The following NAPSA variants were observed in gnomAD, a reference collection of about 807,000 sequenced individuals.
NAPSA encodes napsin-A.
A neutral mutation model predicts 36.7 loss-of-function variants in NAPSA; 37 were observed. That is an observed-to-expected ratio of 1.01 (90% CI 0.78 to 1.33). The LOEUF is 1.33. Ranked by LOEUF, NAPSA falls within the 40% of genes most tolerant of loss-of-function variation. NAPSA has a pLI of 0.00. For synonymous variants in NAPSA, 222 were observed against 234.5 expected (o/e 0.95, Z 0.49); for missense variants, 532 against 543.8 (o/e 0.98, Z 0.21).
Position 50,359,841 on chromosome 19 carries a change from T to A in NAPSA, c.690A>T (p.Gly230=), listed in dbSNP as rs759794042. The change falls in exon 6 of 9, where the codon GGA becomes GGT. Residue 230 remains glycine (G), a synonymous_variant. Transcript: ENST00000253719. Reference sequence around the variant, plus strand: ...CCGAGCCCCCCAGGACCAGCTCTCCTCCATCAGGCTCTTCAGGGTCCCTGC... The same window carrying A: ...CCGAGCCCCCCAGGACCAGCTCTCCACCATCAGGCTCTTCAGGGTCCCTGC... ...YLNRDPEEPD[G]GELVLGGSDP... 8.1e-6 allele frequency: 13 copies of A among 1,614,150 alleles called. No individual in the cohort carries two copies. In the South Asian group the frequency reaches 1.4e-4, roughly 18 times the overall value.
At chr19:50,362,620 T>G in intron 1 of NAPSA, 1 of 217,776 alleles carries the variant, frequency 4.6e-6, no homozygotes, top group East Asian at 1.1e-4. Context: ...ACAGAAAACC[T>G]AACCTTTGCA....
upstream of NAPSA, among the ~76,000 whole-genome samples, chr19:50,367,549 CCTCTCTCT>C (rs779681679): frequency 1.9e-3 from 247 of 133,072 alleles, 1 homozygote; most frequent in African/African-American, 5.4e-3. Flanking sequence ...TCTCTCTCTC[CCTCTCTCT>C]CTCTCTCTCT....
In NAPSA at chr19:50,358,631, C is replaced by T. The variant is rs764567404; in HGVS notation, c.1185G>A (p.Arg395=). ...GAGTGCGAGCGCGCGCCAGGCCCAC[C>T]CGGGCGCTGCTCTTCATGTCCCCGC... ...FDRGDMKSSA[R]VGLARARTRG... The change falls in exon 9 of 9, where the codon CGG becomes CGA. Residue 395 remains arginine, a synonymous_variant. Transcript: ENST00000253719. 17 of 1,612,678 alleles carry T rather than the reference C, an allele frequency of 1.1e-5. No individual in the cohort carries two copies. The highest frequency in any genetic ancestry group is 1.7e-5 in the Admixed American group (1 of 59,934).
At chr19:50,359,400 G>A (rs2037441066) in intron 7 of NAPSA, 103 bp downstream of exon 7, 31 of 1,482,884 alleles carry the variant, frequency 2.1e-5, no homozygotes, top group Non-Finnish European at 2.8e-5. Context: ...TGCTGCCCTG[G>A]AAAGCCCCTT....
rs377299154 is a variant in NAPSA, at chr19:50,359,811, C to T, written c.720G>A (p.Pro240=). ...AGGTGAGGGGTGGGATGTAGTGTGC[C>T]GGGTCCGAGCCCCCCAGGACCAGCT... ...GGELVLGGSD[P]AHYIPPLTFV... is the part of the protein sequence containing the mutation. Residue 240 remains proline, a synonymous_variant, in exon 6 of 9, where the codon CCG becomes CCA. Coordinates refer to ENST00000253719, the MANE Select transcript of NAPSA (RefSeq NM_004851.3). 96 of 1,614,060 alleles carry T rather than the reference C, an allele frequency of 5.9e-5. No individual in the cohort carries two copies. The highest frequency in any genetic ancestry group is 6.8e-5 in the Non-Finnish European group (80 of 1,180,048).
chr19:50,364,205 C>T (rs1009267062), intron 1 of NAPSA, among the ~76,000 whole-genome samples: 1 of 151,560 alleles, frequency 6.6e-6, no homozygotes, highest in East Asian at 1.9e-4. Context: ...CCTGTAATCC[C>T]AGCACTTTCA....
chr19:50,363,168 C>T (rs915110664), intron 1 of NAPSA, among the ~76,000 whole-genome samples: 3 of 152,126 alleles, frequency 2.0e-5, no homozygotes, highest in Admixed American at 6.5e-5. Flanking sequence ...ACACCTTTCC[C>T]GTCACCCCCC....
In NAPSA at chr19:50,359,576, A is replaced by G. The variant is rs924101170; in HGVS notation, c.863T>C (p.Leu288Pro). The G allele has an allele frequency of 6.8e-6, 11 of 1,614,206 alleles. No homozygotes were observed. Among genetic ancestry groups the G allele is most frequent in the Non-Finnish European group, 9.3e-6 (11 of 1,180,030 alleles). ...GATCTCCTCAGTGGGTCCTGTGATG[A>G]GGGACGTGCCCGTATCCAGGATGGC... Reference protein sequence around the residue: ...CAAILDTGTSLITGPTEEIRA... With the variant: ...CAAILDTGTSPITGPTEEIRA... The change falls in exon 7 of 9, where the codon CTC becomes CCC. Residue 288 changes from leucine to proline, a missense_variant. Coordinates refer to ENST00000253719, the MANE Select transcript of NAPSA (RefSeq NM_004851.3).
chr19:50,358,990 G>A (rs757153787), intron 8 of NAPSA, 21 bp downstream of exon 8: 2 of 1,595,970 alleles, frequency 1.3e-6, no homozygotes, highest in Non-Finnish European at 1.7e-6. Flanking sequence ...TCACTATGGC[G>A]TCATGGTGAT....
At position 50,360,770 on chromosome 19, in the gene NAPSA, C is replaced by T. The variant is rs138770477; in HGVS notation, c.668+171G>A. ...TGTTTCTTTATAGGGCAGGTGACTT[C>T]CTGCATGGAGGATGCAACTTCTTGT... On this transcript the variant is annotated intron_variant, in intron 5 of 8. Coordinates refer to ENST00000253719, the MANE Select transcript of NAPSA (RefSeq NM_004851.3). Among the ~76,000 whole-genome samples, 4 of 152,250 alleles carry T rather than the reference C, an allele frequency of 2.6e-5. No homozygotes were observed. The East Asian group carries it at 7.7e-4, about 29-fold the overall frequency.
At chr19:50,365,011 AAATAATAAT>A (rs112903812) in intron 1 of NAPSA, among the ~76,000 whole-genome samples, 3,989 of 140,560 alleles carry the variant, frequency 0.028, 186 homozygotes, top group African/African-American at 0.099. Flanking sequence ...TAATAATAAT[AAATAATAAT>A]AATAATAATA....
intron 1 of NAPSA, chr19:50,362,527 C>A: frequency 2.3e-6 from 1 of 441,802 alleles, no homozygotes. Context: ...CAAACCATCC[C>A]AAACAGACCT....
rs73932467 is a variant in NAPSA at position 50,358,983 on chromosome 19, C to T, written c.1035+28G>A. On this transcript the variant is annotated intron_variant, in intron 8 of 8. Transcript: ENST00000253719. ...CCTCTCAAACCGTCATATGACGTCA[C>T]TATGGCGTCATGGTGATGGCCACCT... 3,099 of 1,566,236 alleles carry T rather than the reference C, an allele frequency of 2.0e-3. 49 individuals carry two copies. In the African/African-American group the frequency reaches 0.032, roughly 16 times the overall value.
chr19:50,358,902 G>A (rs2037431992), intron 8 of NAPSA, 109 bp downstream of exon 8: 5 of 1,338,406 alleles, frequency 3.7e-6, no homozygotes, highest in African/African-American at 2.9e-5. Context: ...GCCATCACAG[G>A]GAAAAGAAAT....
In NAPSA at chr19:50,358,663, A is replaced by C; in HGVS notation, c.1153T>G (p.Phe385Val). 1 of 1,613,280 alleles carries C rather than the reference A, an allele frequency of 6.2e-7. No individual in the cohort carries two copies. The highest frequency in any genetic ancestry group is 8.5e-7 in the Non-Finnish European group (1 of 1,179,962). The stretch of plus-strand genomic sequence containing the variant: ...CTGCTCTTCATGTCCCCGCGGTCGA[A>C]GACGGCCACATACGTCCCCAAGAAG... The part of the protein sequence containing the change: ...DVFLGTYVAV[F>V]DRGDMKSSAR... The change falls in exon 9 of 9, where the codon TTC (phenylalanine) becomes GTC (valine). Residue 385 changes from phenylalanine to valine, a missense_variant. Phe to Val is a conservative substitution (Grantham distance 50, BLOSUM62 -1). This residue lies in a region of NAPSA where 385 missense variants were observed against 371.5 expected (regional missense o/e 1.04). Transcript: ENST00000253719.
At position 50,359,824 on chromosome 19, in the gene NAPSA, C is replaced by A. The variant is rs1266372780; in HGVS notation, c.707G>T (p.Gly236Val). Residue 236 changes from glycine to valine, a missense_variant, in exon 6 of 9, where the codon GGG becomes GTG. This residue lies in a region of NAPSA where 385 missense variants were observed against 371.5 expected (regional missense o/e 1.04). Coordinates refer to ENST00000253719, the MANE Select transcript of NAPSA (RefSeq NM_004851.3). ...EEPDGGELVL[G>V]GSDPAHYIPP... is the part of the protein sequence containing the mutation. ...GATGTAGTGTGCCGGGTCCGAGCCCCCCAGGACCAGCTCTCCTCCATCAGG... is the reference window on the plus strand; with the variant it reads ...GATGTAGTGTGCCGGGTCCGAGCCCACCAGGACCAGCTCTCCTCCATCAGG... The A allele has an allele frequency of 2.5e-6, 4 of 1,614,108 alleles. No homozygotes were observed. The African/African-American group carries it at 5.3e-5, about 22-fold the overall frequency.
rs1244789421 is a variant in NAPSA, at chr19:50,361,925, C to T, written c.349+44G>A. On this transcript the variant is annotated intron_variant, in intron 3 of 8. Coordinates refer to ENST00000253719, the MANE Select transcript of NAPSA (RefSeq NM_004851.3). ...AAGCTGAGGTCCAGCCCCGCCTCCTCCCTTCACCCCCATTCAGCCTTATTC... is the reference window on the plus strand; with the variant it reads ...AAGCTGAGGTCCAGCCCCGCCTCCTTCCTTCACCCCCATTCAGCCTTATTC... 5.6e-6 allele frequency: 9 copies of T among 1,593,074 alleles called. No individual in the cohort carries two copies. The East Asian group carries it at 2.0e-4, about 36-fold the overall frequency.
In NAPSA at chr19:50,358,481, T is replaced by C. The variant is rs1489864076; in HGVS notation, c.*72A>G. The C allele has an allele frequency of 2.3e-6, 3 of 1,309,356 alleles. No individual in the cohort carries two copies. The highest frequency in any genetic ancestry group is 5.4e-5 in the Admixed American group (2 of 36,698). 81.1% of individuals were successfully genotyped at this position (1,309,356 alleles called of 1,614,324 possible). ...AAGCAACCCAGGCAGGTTCGCTCAATGGAAATAGTGGATTTTTACTGGGTA... is the reference window on the plus strand; with the variant it reads ...AAGCAACCCAGGCAGGTTCGCTCAACGGAAATAGTGGATTTTTACTGGGTA... On this transcript the variant is annotated 3_prime_UTR_variant, in exon 9 of 9. Transcript: ENST00000253719.
rs944011133 is a variant in NAPSA at position 50,362,382 on chromosome 19, T to C, written c.84-69A>G. Reference sequence around the variant, plus strand: ...GAACCTCTAAATAGACTTACCCAAATAGGATATGATGACAAATTCAACATC... The same window carrying C: ...GAACCTCTAAATAGACTTACCCAAACAGGATATGATGACAAATTCAACATC... On this transcript the variant is annotated intron_variant, in intron 1 of 8. Coordinates refer to ENST00000253719, the MANE Select transcript of NAPSA (RefSeq NM_004851.3). 6 of 1,430,382 alleles carry C rather than the reference T, an allele frequency of 4.2e-6. No individual in the cohort carries two copies. In the African/African-American group the frequency reaches 5.7e-5, roughly 14 times the overall value. 88.6% of individuals were successfully genotyped at this position (1,430,382 alleles called of 1,614,324 possible).
Sources: allele counts gnomAD v4.1 joint callset (sites outside exome capture counted in the v4.1 genomes callset), GRCh38; gene constraint gnomAD v4.1.1; regional missense constraint gnomAD v4.1.1; transcripts MANE v1.5; gene names NCBI Gene and HGNC (gene_info 2026-07-23, HGNC 2026-07-21).